FCRL2: variants seen among roughly 807,000 people sequenced by gnomAD.
The protein encoded by FCRL2 is Fc receptor like 2.
In FCRL2, 48 loss-of-function variants were observed where a neutral mutation model predicts 59.8. The ratio of observed to expected loss-of-function variants is 0.80; its 90% CI spans 0.64 to 1.02. The LOEUF is 1.02. Among genes scored for constraint, FCRL2 ranks in the 50% least tolerant of loss-of-function variants. The probability of loss-of-function intolerance (pLI) is 0.00; values close to 1 mark genes in which losing one functional copy is unlikely to be tolerated. For synonymous variants in FCRL2, 251 were observed against 229.5 expected, an observed-to-expected ratio of 1.09 and a Z score of -0.85; for missense variants, 658 against 597.3, an observed-to-expected ratio of 1.10 and a Z score of -1.06.
At chr1:157,749,562 C>A in intron 8 of FCRL2, 88 bp downstream of exon 8, 1 of 885,942 alleles carries the variant, frequency 1.1e-6, no homozygotes, top group South Asian at 1.6e-5. Flanking sequence ...TAGCTTCAGT[C>A]TCAACGTACA....
chr1:157,766,912 C>G lies in FCRL2; in HGVS notation c.1222G>C (p.Val408Leu). Reference sequence around the variant, plus strand: ...AAAGCAACACCAGTGAAACCAAGGACACCAAACAGTCCCCAGAGAACTCCA... The same window carrying G: ...AAAGCAACACCAGTGAAACCAAGGAGACCAAACAGTCCCCAGAGAACTCCA... ...TAGVLWGLFG[V>L]LGFTGVALLL... Residue 408 changes from valine to leucine, a missense_variant, in exon 7 of 12, where the codon GTC becomes CTC. By Grantham distance (32) the Val-to-Leu change is conservative. Coordinates refer to ENST00000361516, the MANE Select transcript of FCRL2 (RefSeq NM_030764.4). 6.2e-7 allele frequency: 1 copy of G among 1,614,162 alleles called. No homozygotes were observed. Among genetic ancestry groups the G allele is most frequent in the East Asian group, 2.2e-5 (1 of 44,880 alleles).
intron 4 of FCRL2, 171 bp from the exon 5 acceptor site, chr1:157,768,872 T>G (rs1649750361): frequency 2.9e-6 from 2 of 682,062 alleles, no homozygotes; most frequent in African/African-American, 3.6e-5. Context: ...TTCAGGAATG[T>G]GGATAAAGAC....
chr1:157,768,329 G>T, intron 5 of FCRL2, 85 bp downstream of exon 5: 2 of 1,411,494 alleles, frequency 1.4e-6, no homozygotes, highest in Non-Finnish European at 1.9e-6. Flanking sequence ...AATCCCTGGG[G>T]CCTCCTGAAA....
intron 5 of FCRL2, 182 bp downstream of exon 5, chr1:157,768,232 T>C (rs1279456709): frequency 3.4e-6 from 2 of 593,188 alleles, no homozygotes; most frequent in Non-Finnish European, 5.9e-6. Context: ...GCCCTCTTTA[T>C]ATTTCCTTCC....
At chr1:157,761,847 G>C (rs1649124893) in intron 7 of FCRL2, among the ~76,000 whole-genome samples, 1 of 152,138 alleles carries the variant, frequency 6.6e-6, no homozygotes, top group African/African-American at 2.4e-5. Context: ...GCAGCTTAAG[G>C]AATATGTTGG....
chr1:157,770,421 T>C lies in FCRL2; in HGVS notation c.298A>G (p.Ile100Val), dbSNP rs368390897. ...LWDKTSNIVK[I>V]KVQELFQRPV... ...GTCAGGGTTTTACCTTGGACTTTTA[T>C]CTTTACTATATTTGAAGTTTTATCC... is the stretch of plus-strand genomic sequence containing the variant. The change falls in exon 3 of 12, where the codon ATA becomes GTA. Residue 100 changes from isoleucine to valine, a missense_variant. Physicochemically the swap from Ile to Val is conservative, Grantham distance 29 (BLOSUM62 3). Coordinates refer to ENST00000361516, the MANE Select transcript of FCRL2 (RefSeq NM_030764.4). 14 of 1,613,346 alleles carry C rather than the reference T, an allele frequency of 8.7e-6. No homozygotes were observed. The African/African-American group carries it at 1.7e-4, about 20-fold the overall frequency.
chr1:157,770,890 CAG>C (rs553494807), intron 2 of FCRL2, among the ~76,000 whole-genome samples: 130 of 152,298 alleles, frequency 8.5e-4, no homozygotes, highest in African/African-American at 2.9e-3. Context: ...TTATCAATAA[CAG>C]AGATTTATTT....
In FCRL2 at chr1:157,777,121, A is replaced by G. The variant is rs748925256; in HGVS notation, c.-48T>C. 13 of 1,613,920 alleles carry G rather than the reference A, an allele frequency of 8.1e-6. No individual in the cohort carries two copies. The highest frequency in any genetic ancestry group is 1.1e-5 in the Non-Finnish European group (13 of 1,179,968). On this transcript the variant is annotated 5_prime_UTR_variant, in exon 1 of 12. Transcript: ENST00000361516. ...AAAAGAGATGTACTCTTGGTCACCA[A>G]CTGGAGACTCTGAGCAGGCGATGAA...
intron 10 of FCRL2, among the ~76,000 whole-genome samples, chr1:157,748,186 A>C (rs1014077637): frequency 6.6e-6 from 1 of 152,094 alleles, no homozygotes; most frequent in Non-Finnish European, 1.5e-5. Context: ...TGGGAGGCTG[A>C]GGCGGGTGGA....
In FCRL2 at chr1:157,749,909, G is replaced by A. The variant is rs191272859; in HGVS notation, c.1280-232C>T. ...AAATGCCACTTCAAATGGCAAACCCGTCATGCACTGGTAACTGTTTCTTTA... is the reference window on the plus strand; with the variant it reads ...AAATGCCACTTCAAATGGCAAACCCATCATGCACTGGTAACTGTTTCTTTA... On this transcript the variant is annotated intron_variant, in intron 7 of 11. Coordinates refer to ENST00000361516, the MANE Select transcript of FCRL2 (RefSeq NM_030764.4). Among the ~76,000 whole-genome samples the A allele has an allele frequency of 4.5e-4, 68 of 152,136 alleles. 1 individual carries two copies. In the East Asian group the frequency reaches 0.011, roughly 24 times the overall value.
chr1:157,768,359 T>A (rs1025435618), intron 5 of FCRL2, 55 bp downstream of exon 5: 1 of 1,565,524 alleles, frequency 6.4e-7, no homozygotes, highest in Non-Finnish European at 8.7e-7. Flanking sequence ...GACACATGTG[T>A]ATCATGACCT....
chr1:157,767,588 C>T (rs763683298), intron 5 of FCRL2, 79 bp from the exon 6 acceptor site: 8 of 1,614,088 alleles, frequency 5.0e-6, no homozygotes, highest in Non-Finnish European at 5.1e-6. Context: ...GCAGGCTCAG[C>T]AAAGGGCCTG....
chr1:157,748,813 G>A lies in FCRL2; in HGVS notation c.1393+62C>T, dbSNP rs1032955502. 3.8e-5 allele frequency: 57 copies of A among 1,513,128 alleles called. No individual in the cohort carries two copies. In the Admixed American group the frequency reaches 4.6e-4, roughly 12 times the overall value. 93.7% of individuals were successfully genotyped at this position (1,513,128 alleles called of 1,614,324 possible). A position where few individuals can be genotyped will look rare whatever the true frequency, so the allele number is the denominator to read the frequency against. On this transcript the variant is annotated intron_variant, in intron 9 of 11. Transcript: ENST00000361516. ...CTACACCACCCACCTAATGGTCTCC[G>A]CTCCTGTCTCCTCTTTCTTTTCTGA...
intron 2 of FCRL2, 97 bp from the exon 3 acceptor site, chr1:157,770,763 C>A: frequency 7.6e-7 from 1 of 1,322,686 alleles, no homozygotes; most frequent in Non-Finnish European, 1.0e-6. Context: ...GCCTCTACTT[C>A]TTTAAACAAG....
chr1:157,752,968 T>C (rs1648311649), intron 7 of FCRL2, among the ~76,000 whole-genome samples: 2 of 152,160 alleles, frequency 1.3e-5, no homozygotes, highest in African/African-American at 2.4e-5. Context: ...ATAGTCATGA[T>C]GGGAACAACC....
At chr1:157,754,694 A>C (rs938786989) in intron 7 of FCRL2, among the ~76,000 whole-genome samples, 3 of 152,148 alleles carry the variant, frequency 2.0e-5, no homozygotes, top group Non-Finnish European at 4.4e-5. Context: ...GGCCTGGCAC[A>C]GTAGCTCACA....
intron 7 of FCRL2, 92 bp from the exon 8 acceptor site, chr1:157,749,769 A>G (rs1648040872): frequency 1.1e-6 from 1 of 926,444 alleles, no homozygotes; most frequent in Non-Finnish European, 1.7e-6. Context: ...ATCAGCTGGT[A>G]AGACATAAGA....
chr1:157,748,899 C>A lies in FCRL2; in HGVS notation c.1369G>T (p.Glu457Ter). Residue 457 changes from glutamate to a stop codon, truncating the protein, a stop_gained, in exon 9 of 12, where the codon GAG (glutamate) becomes TAG (stop). Transcript: ENST00000361516. LOFTEE classifies it high-confidence loss of function. Reference sequence around the variant, plus strand: ...CCATTGACATACACTGGCTGCAGCTCCTCCATGTCTGGGGTTGGGCTTGAA... The same window carrying A: ...CCATTGACATACACTGGCTGCAGCTACTCCATGTCTGGGGTTGGGCTTGAA... ...TYSSPTPDME[E>*]LQPVYVNVGS... 6.2e-7 allele frequency: 1 copy of A among 1,613,904 alleles called. No individual in the cohort carries two copies. The highest frequency in any genetic ancestry group is 1.3e-5 in the African/African-American group (1 of 75,038).
chr1:157,755,746 G>A (rs1289281394), intron 7 of FCRL2, among the ~76,000 whole-genome samples: 4 of 152,130 alleles, frequency 2.6e-5, no homozygotes, highest in Non-Finnish European at 5.9e-5. Flanking sequence ...AATATTCATA[G>A]AAAAGTGAAG....
Sources: gnomAD v4.1 joint callset for allele counts (sites outside exome capture counted in the v4.1 genomes callset) on GRCh38, gnomAD v4.1.1 for gene constraint, MANE v1.5 for transcripts, NCBI Gene and HGNC (gene_info 2026-07-23, HGNC 2026-07-21) for gene names.